Variants in DTWD2 observed in about 807,000 individuals in gnomAD.
DTWD2 encodes the protein tRNA-uridine aminocarboxypropyltransferase 2.
Under a neutral mutation model 31.8 loss-of-function variants are expected in DTWD2, and 39 were observed. The observed-to-expected ratio is 1.22, with a 90% CI of 0.95 to 1.60. The LOEUF is 1.60. Among genes scored for constraint, DTWD2 ranks in the 40% most tolerant of loss-of-function variants. DTWD2 has a pLI of 0.00. For synonymous variants in DTWD2, 180 were observed against 142.8 expected (o/e 1.26, Z -1.86); for missense variants, 515 against 381.5 (o/e 1.35, Z -2.92).
In DTWD2 at chr5:118,929,201, TCACCTTTGTTAAAGC is replaced by T. The variant is rs574725406; in HGVS notation, c.405-487_405-473del. On this transcript the variant is annotated intron_variant, in intron 3 of 5. Transcript: ENST00000510708. The stretch of plus-strand genomic sequence containing the variant: ...GCATAGGCAAGCCACATTCTCAAAT[TCACCTTTGTTAAAGC>T]CAACTAAATATGGCCTGAGAAGGAC... Among the ~76,000 whole-genome samples, 465 of 152,332 alleles carry T rather than the reference TCACCTTTGTTAAAGC, an allele frequency of 3.1e-3. 2 individuals are homozygous for T. The highest frequency in any genetic ancestry group is 5.4e-3 in the Non-Finnish European group (370 of 68,006).
chr5:118,851,235 A>AG lies in DTWD2; in HGVS notation c.598-3018_598-3017insC, dbSNP rs1173052102. ...CCCTATCTCAAAAAAAAAAAAAAAA[A>AG]AAAGAAAGAAAAAACTATCAGGGTA... On this transcript the variant is annotated intron_variant, in intron 4 of 5. Coordinates refer to ENST00000510708, the MANE Select transcript of DTWD2 (RefSeq NM_173666.4). Among the ~76,000 whole-genome samples the AG allele has an allele frequency of 2.7e-4, 41 of 151,708 alleles. No individual in the cohort carries two copies. In the East Asian group the frequency reaches 2.9e-3, roughly 11 times the overall value.
At position 118,840,135 on chromosome 5, in the gene DTWD2, GTTATA is replaced by G. The variant is rs1265630432; in HGVS notation, c.*777_*781del. The G allele has an allele frequency of 6.6e-6, 1 of 152,116 alleles. No individual in the cohort carries two copies. The highest frequency in any genetic ancestry group is 1.5e-5 in the Non-Finnish European group (1 of 67,990). The allele number at this position is 152,116 out of a possible 1,614,324, so 9.4% of individuals were successfully genotyped here. The stretch of plus-strand genomic sequence containing the variant: ...TGGAAAGTTTTTGCTCGTTAAAAAG[GTTATA>G]TTAAATAGCCCTAAAGAAATATGTT... On this transcript the variant is annotated 3_prime_UTR_variant, in exon 6 of 6. Coordinates refer to ENST00000510708, the MANE Select transcript of DTWD2 (RefSeq NM_173666.4).
At chr5:118,851,374 G>T (rs1752000806) in intron 4 of DTWD2, among the ~76,000 whole-genome samples, 1 of 151,484 alleles carries the variant, frequency 6.6e-6, no homozygotes, top group Admixed American at 6.6e-5. Flanking sequence ...GGCCGCCGGG[G>T]GCAACATCAC....
intron 4 of DTWD2, among the ~76,000 whole-genome samples, chr5:118,853,125 T>A (rs547395559): frequency 7.6e-4 from 116 of 152,304 alleles, no homozygotes; most frequent in African/African-American, 2.6e-3. Flanking sequence ...GCTCACTACC[T>A]GGGTAACAGT....
At chr5:118,854,427 T>C (rs1463225729) in intron 4 of DTWD2, among the ~76,000 whole-genome samples, 2 of 152,082 alleles carry the variant, frequency 1.3e-5, no homozygotes, top group Non-Finnish European at 2.9e-5. Flanking sequence ...TAGCATGTTA[T>C]TGAAATCGAC....
At position 118,839,217 on chromosome 5, in the gene DTWD2, A is replaced by T. The variant is rs367997143; in HGVS notation, c.*1700T>A. On this transcript the variant is annotated 3_prime_UTR_variant, in exon 6 of 6. Transcript: ENST00000510708. ...AAAGAAACTCATGAAGTTTAATATCAATGTGAAAAATTACTACAAAATGAT... is the reference window on the plus strand; with the variant it reads ...AAAGAAACTCATGAAGTTTAATATCTATGTGAAAAATTACTACAAAATGAT... The T allele has an allele frequency of 6.6e-6, 1 of 152,124 alleles. No individual in the cohort carries two copies. Among genetic ancestry groups the T allele is most frequent in the East Asian group, 1.9e-4 (1 of 5,202 alleles). The allele number at this position is 152,124 out of a possible 1,614,324, so 9.4% of individuals were successfully genotyped here. A position where few individuals can be genotyped will look rare whatever the true frequency, so the allele number is the denominator to read the frequency against.
At chr5:118,857,839 G>A (rs537841752) in intron 4 of DTWD2, among the ~76,000 whole-genome samples, 2 of 152,314 alleles carry the variant, frequency 1.3e-5, no homozygotes, top group African/African-American at 2.4e-5. Context: ...CTGTAGCAGA[G>A]AATAGGTAGC....
At chr5:118,850,507 A>T (rs1751975963) in intron 4 of DTWD2, among the ~76,000 whole-genome samples, 2 of 145,966 alleles carry the variant, frequency 1.4e-5, no homozygotes, top group Admixed American at 6.8e-5. Flanking sequence ...AAAAAAAAAA[A>T]AAATTAATTC....
chr5:118,845,292 A>G (rs1181454700), intron 5 of DTWD2, among the ~76,000 whole-genome samples: 1 of 152,242 alleles, frequency 6.6e-6, no homozygotes, highest in Non-Finnish European at 1.5e-5. Context: ...GAAAAAGTGT[A>G]TGTCATCACT....
intron 4 of DTWD2, among the ~76,000 whole-genome samples, chr5:118,914,092 G>A (rs1426991225): frequency 6.6e-6 from 1 of 152,104 alleles, no homozygotes; most frequent in Non-Finnish European, 1.5e-5. Context: ...AAAGCCTAGG[G>A]AAGTTTTGTA....
intron 3 of DTWD2, among the ~76,000 whole-genome samples, chr5:118,930,321 A>G (rs954605974): frequency 6.6e-6 from 1 of 152,198 alleles, no homozygotes; most frequent in East Asian, 1.9e-4. Flanking sequence ...TTTGCCCACA[A>G]GCAAAAAACA....
chr5:118,920,689 A>C (rs1488782734), intron 4 of DTWD2, among the ~76,000 whole-genome samples: 2 of 152,238 alleles, frequency 1.3e-5, no homozygotes, highest in Non-Finnish European at 2.9e-5. Flanking sequence ...GTACTAACTC[A>C]TAAAACATGA....
At chr5:118,857,199 A>G (rs553466264) in intron 4 of DTWD2, among the ~76,000 whole-genome samples, 13 of 152,274 alleles carry the variant, frequency 8.5e-5, no homozygotes, top group Middle Eastern at 6.8e-3. Context: ...GCCACTAACT[A>G]GATGAGTGAA....
intron 1 of DTWD2, among the ~76,000 whole-genome samples, chr5:118,953,496 T>TGATAACTATATTGCTAAGCAACAC (rs1453790231): frequency 1.3e-5 from 2 of 152,196 alleles, no homozygotes; most frequent in Non-Finnish European, 2.9e-5. Context: ...CCTGGCAACA[T>TGATAACTATATTGCTAAGCAACAC]GATAACTATA....
intron 4 of DTWD2, among the ~76,000 whole-genome samples, chr5:118,892,100 TTTTA>T (rs746041738): frequency 6.6e-6 from 1 of 152,136 alleles, no homozygotes; most frequent in African/African-American, 2.4e-5. Flanking sequence ...TAGTAAGAGA[TTTTA>T]TTTTTCTTTT....
intron 1 of DTWD2, among the ~76,000 whole-genome samples, chr5:118,961,333 T>G (rs1754701908): frequency 6.6e-6 from 1 of 152,218 alleles, no homozygotes; most frequent in South Asian, 2.1e-4. Context: ...GCAAACAGCT[T>G]TCTTAACAGC....
chr5:118,912,810 A>G (rs1285112945), intron 4 of DTWD2, among the ~76,000 whole-genome samples: 1 of 152,222 alleles, frequency 6.6e-6, no homozygotes, highest in African/African-American at 2.4e-5. Flanking sequence ...CCAGTAACTT[A>G]TAGCATTAAA....
chr5:118,891,501 T>C (rs941315719), intron 4 of DTWD2, among the ~76,000 whole-genome samples: 4 of 152,178 alleles, frequency 2.6e-5, no homozygotes. Context: ...CTACAAGGCA[T>C]ACACTGCTGC....
intron 5 of DTWD2, among the ~76,000 whole-genome samples, chr5:118,841,331 T>C (rs980813772): frequency 6.6e-6 from 1 of 152,198 alleles, no homozygotes; most frequent in Non-Finnish European, 1.5e-5. Context: ...ATTTTCCACA[T>C]AGGTAATAAA....
Sources: gnomAD v4.1 joint callset for allele counts (sites outside exome capture counted in the v4.1 genomes callset) on GRCh38, gnomAD v4.1.1 for gene constraint, MANE v1.5 for transcripts, NCBI Gene and HGNC (gene_info 2026-07-23, HGNC 2026-07-21) for gene names.